Variants in RANBP2 observed in about 807,000 individuals in gnomAD.
RANBP2 encodes the protein E3 SUMO-protein ligase RanBP2.
A neutral mutation model predicts 303.6 loss-of-function variants in RANBP2; 57 were observed. The ratio of observed to expected loss-of-function variants is 0.19; its 90% CI spans 0.15 to 0.23. The LOEUF (loss-of-function observed/expected upper bound fraction) is 0.23. Among genes scored for constraint, RANBP2 ranks in the 10% least tolerant of loss-of-function variants. RANBP2 has a pLI of 1.00. For missense variants in RANBP2, 3,138 were observed against 3,780.8 expected (o/e 0.83, Z 4.46); for synonymous variants, 1,167 against 1,301.5 (o/e 0.90, Z 2.23).
At chr2:109,614,889 C>T in the RANBP2 span, 2 of 1,426,392 alleles carry the variant, frequency 1.4e-6, no homozygotes, top group East Asian at 2.8e-5. Context: ...GGGCCGCGAG[C>T]TGGGCGAGGG....
chr2:109,665,732 A>G, the RANBP2 span: 4 of 157,070 alleles, frequency 2.5e-5, no homozygotes, highest in Admixed American at 2.5e-4. Context: ...CCATTTTCCA[A>G]TTGGCCAATG....
chr2:109,023,677 T>C, the RANBP2 span, among the ~76,000 whole-genome samples: 1 of 152,096 alleles, frequency 6.6e-6, no homozygotes, highest in Non-Finnish European at 1.5e-5. Flanking sequence ...GGGTGCAGTG[T>C]GTATACCTAT....
At chr2:109,451,282 G>A in the RANBP2 span, among the ~76,000 whole-genome samples, 62 of 152,332 alleles carry the variant, frequency 4.1e-4, no homozygotes, top group South Asian at 7.9e-3. Context: ...CTTCTACCCT[G>A]CAGCCCTTGT....
chr2:109,140,074 C>G, the RANBP2 span, among the ~76,000 whole-genome samples: 1 of 152,226 alleles, frequency 6.6e-6, no homozygotes, highest in South Asian at 2.1e-4. Flanking sequence ...GAGGACAGGT[C>G]TGCGGAAGGC....
chr2:108,873,346 TA>T, the RANBP2 span: 1 of 1,061,342 alleles, frequency 9.4e-7, no homozygotes, highest in Non-Finnish European at 1.3e-6. Flanking sequence ...AATGAAAATC[TA>T]AATGAATATT....
At chr2:108,862,089 T>TA in the RANBP2 span, among the ~76,000 whole-genome samples, 1 of 151,188 alleles carries the variant, frequency 6.6e-6, no homozygotes, top group Non-Finnish European at 1.5e-5. Flanking sequence ...TTTTTTTTTT[T>TA]TTATTTGTTG....
At chr2:108,813,264 A>AG in the RANBP2 span, among the ~76,000 whole-genome samples, 1 of 150,950 alleles carries the variant, frequency 6.6e-6, no homozygotes, top group African/African-American at 2.4e-5. Context: ...AAAAAAAAAA[A>AG]AAAAAAAAGA....
chr2:109,207,768 G>A, the RANBP2 span, among the ~76,000 whole-genome samples: 5 of 152,074 alleles, frequency 3.3e-5, no homozygotes, highest in South Asian at 2.1e-4. Context: ...AAAATCAACT[G>A]TATTCAGGTT....
At chr2:109,337,139 T>G in the RANBP2 span, among the ~76,000 whole-genome samples, 1 of 152,256 alleles carries the variant, frequency 6.6e-6, no homozygotes, top group Non-Finnish European at 1.5e-5. Context: ...CTTAAATGCC[T>G]TTCTAGAGAG....
the RANBP2 span, among the ~76,000 whole-genome samples, chr2:109,184,279 T>C: frequency 5.3e-5 from 8 of 152,326 alleles, no homozygotes; most frequent in African/African-American, 1.7e-4. Context: ...TTCAACTCTG[T>C]TCCTTCTCCC....
chr2:109,268,374 G>C, the RANBP2 span, among the ~76,000 whole-genome samples: 10 of 151,898 alleles, frequency 6.6e-5, no homozygotes, highest in Non-Finnish European at 1.5e-4. Context: ...GGGGATGTCC[G>C]TTTCACCCGC....
the RANBP2 span, among the ~76,000 whole-genome samples, chr2:109,689,203 G>A: frequency 0.21 from 32,530 of 151,930 alleles, 4,308 homozygotes; most frequent in Admixed American, 0.28. Context: ...CACCGTGCCC[G>A]GCCTGGATGA....
At chr2:108,786,969 C>T (rs768149635), downstream of RANBP2, 152 of 1,258,924 alleles carry the variant, frequency 1.2e-4, no homozygotes, top group Non-Finnish European at 1.5e-4. Context: ...GGGGGCGGCC[C>T]GCTCCGTGCC....
chr2:109,527,997 G>A, the RANBP2 span, among the ~76,000 whole-genome samples: 1 of 152,216 alleles, frequency 6.6e-6, no homozygotes, highest in Non-Finnish European at 1.5e-5. Context: ...AGGACGGGTG[G>A]ATAGTCTGTG....
At chr2:109,231,042 G>A in the RANBP2 span, among the ~76,000 whole-genome samples, 10 of 152,338 alleles carry the variant, frequency 6.6e-5, no homozygotes, top group Admixed American at 3.3e-4. Context: ...ATGTCAGCAC[G>A]GACAGAGCAG....
the RANBP2 span, among the ~76,000 whole-genome samples, chr2:108,919,638 G>A: frequency 6.6e-6 from 1 of 152,312 alleles, no homozygotes; most frequent in African/African-American, 2.4e-5. Flanking sequence ...GATTTCAGGT[G>A]TGAGCCACTG....
chr2:109,475,058 ACCT>A, the RANBP2 span, among the ~76,000 whole-genome samples: 1 of 151,868 alleles, frequency 6.6e-6, no homozygotes, highest in Non-Finnish European at 1.5e-5. Flanking sequence ...GCTCACTGCA[ACCT>A]CCACCTCCCA....
chr2:109,385,230 AG>A, the RANBP2 span, among the ~76,000 whole-genome samples: 2 of 152,184 alleles, frequency 1.3e-5, no homozygotes, highest in East Asian at 3.9e-4. Flanking sequence ...CCCACCTCCA[AG>A]GGTTCTTAGG....
At chr2:108,846,637 A>T in the RANBP2 span, 2 of 955,916 alleles carry the variant, frequency 2.1e-6, no homozygotes, top group South Asian at 1.6e-5. Flanking sequence ...TGATTGCGCT[A>T]CTGCATTCCA....
Sources: allele counts gnomAD v4.1 joint callset (sites outside exome capture counted in the v4.1 genomes callset), GRCh38; gene constraint gnomAD v4.1.1; transcripts MANE v1.5; gene names NCBI Gene and HGNC (gene_info 2026-07-23, HGNC 2026-07-21).